Variants in GIGYF2 observed in about 807,000 individuals in gnomAD.
GIGYF2 encodes GRB10 interacting GYF protein 2.
A neutral mutation model predicts 208.1 loss-of-function variants in GIGYF2; 25 were observed. The ratio of observed to expected loss-of-function variants is 0.12; its 90% CI spans 0.09 to 0.17. The LOEUF (loss-of-function observed/expected upper bound fraction) is 0.17. Among genes scored for constraint, GIGYF2 ranks in the 10% least tolerant of loss-of-function variants. The pLI, the probability that GIGYF2 is intolerant of heterozygous loss-of-function variation, is 1.00. For missense variants in GIGYF2, 1,302 were observed against 1,579.4 expected, an observed-to-expected ratio of 0.82 and a Z score of 2.98; for synonymous variants, 534 against 543.8, an observed-to-expected ratio of 0.98 and a Z score of 0.25.
rs777898242 is a variant in GIGYF2 at position 232,834,624 on chromosome 2, A to G, written c.2766+1531A>G. ...GAAGTTTTTAGCCATTATTTCTTCA[A>G]TTGTATGTTCTGTTCCTTTCTCTCT... On this transcript the variant is annotated intron_variant, in intron 22 of 28. Coordinates refer to ENST00000373563, the MANE Select transcript of GIGYF2 (RefSeq NM_001103146.3). Among the ~76,000 whole-genome samples the G allele has an allele frequency of 4.6e-5, 7 of 152,054 alleles. No homozygotes were observed. The East Asian group carries it at 7.7e-4, about 17-fold the overall frequency.
intron 8 of GIGYF2, among the ~76,000 whole-genome samples, chr2:232,762,057 T>C (rs937727423): frequency 1.3e-5 from 2 of 151,636 alleles, no homozygotes; most frequent in Non-Finnish European, 2.9e-5. Flanking sequence ...CCTAGCTGAT[T>C]AAAGGTACTA....
intron 9 of GIGYF2, chr2:232,788,044 A>G (rs1364150468): frequency 6.5e-6 from 1 of 154,046 alleles, no homozygotes; most frequent in Non-Finnish European, 1.4e-5. Context: ...TGTAGTTCCA[A>G]TTGTGGGGTC....
intron 7 of GIGYF2, 49 bp downstream of exon 7, chr2:232,760,640 T>C (rs1574846035): frequency 3.2e-6 from 4 of 1,261,600 alleles, no homozygotes; most frequent in East Asian, 4.7e-5. Context: ...ATATAAAACT[T>C]ATATTTTTTG....
chr2:232,824,988 C>G (rs952161028), intron 21 of GIGYF2, among the ~76,000 whole-genome samples: 1 of 152,190 alleles, frequency 6.6e-6, no homozygotes, highest in Admixed American at 6.5e-5. Flanking sequence ...GCCTGGATGA[C>G]AGCACATCTG....
At chr2:232,817,441 A>C (rs1157060039) in intron 20 of GIGYF2, among the ~76,000 whole-genome samples, 1 of 152,234 alleles carries the variant, frequency 6.6e-6, no homozygotes, top group Non-Finnish European at 1.5e-5. Flanking sequence ...AGTGGTGTTA[A>C]GTATATTCAT....
rs769449200 is a variant in GIGYF2 at position 232,858,766 on chromosome 2, C to G, written c.*1906C>G. On this transcript the variant is annotated 3_prime_UTR_variant, in exon 29 of 29. Transcript: ENST00000373563. ...TCTTTCTCTGCCAGACCACGTAGCACTGGCTGGTTCTGTATTTGAGAATGT... is the reference window on the plus strand; with the variant it reads ...TCTTTCTCTGCCAGACCACGTAGCAGTGGCTGGTTCTGTATTTGAGAATGT... 3 of 342,160 alleles carry G rather than the reference C, an allele frequency of 8.8e-6. No homozygotes were observed. The highest frequency in any genetic ancestry group is 1.7e-5 in the Non-Finnish European group (3 of 174,388). 21.2% of individuals were successfully genotyped at this position (342,160 alleles called of 1,614,324 possible). A position where few individuals can be genotyped will look rare whatever the true frequency, so the allele number is the denominator to read the frequency against.
At chr2:232,716,963 A>G (rs913635024) in intron 2 of GIGYF2, among the ~76,000 whole-genome samples, 1 of 146,030 alleles carries the variant, frequency 6.8e-6, no homozygotes, top group African/African-American at 2.5e-5. Context: ...GCACCACCAC[A>G]CCTAGCTAAT....
At chr2:232,748,922 C>A in intron 4 of GIGYF2, 65 bp from the exon 5 acceptor site, 1 of 807,900 alleles carries the variant, frequency 1.2e-6, no homozygotes, top group Non-Finnish European at 2.2e-6. Flanking sequence ...TTGGATTTAT[C>A]TTCTTGTATT....
At chr2:232,856,307 A>G (rs1157334399) in intron 28 of GIGYF2, among the ~76,000 whole-genome samples, 3 of 152,036 alleles carry the variant, frequency 2.0e-5, no homozygotes, top group Non-Finnish European at 4.4e-5. Context: ...ACCTTAAGAA[A>G]ATAAAAAATC....
rs943149426 is a variant in GIGYF2, at chr2:232,732,856, C to A, written c.-43-2299C>A. Among the ~76,000 whole-genome samples, 11 of 152,050 alleles carry A rather than the reference C, an allele frequency of 7.2e-5. 1 individual carries two copies. Among genetic ancestry groups the A allele is most frequent in the Non-Finnish European group, 1.5e-4 (10 of 67,998 alleles). ...TGTTGCCCAGGCTGGTCTTGAACTTCCGGGCTCAAGCGATCCACCCACCTT... is the reference window on the plus strand; with the variant it reads ...TGTTGCCCAGGCTGGTCTTGAACTTACGGGCTCAAGCGATCCACCCACCTT... On this transcript the variant is annotated intron_variant, in intron 2 of 28. Coordinates refer to ENST00000373563, the MANE Select transcript of GIGYF2 (RefSeq NM_001103146.3).
chr2:232,768,969 A>T (rs970614633), intron 8 of GIGYF2, among the ~76,000 whole-genome samples: 8 of 152,134 alleles, frequency 5.3e-5, no homozygotes, highest in Admixed American at 5.2e-4. Flanking sequence ...GGTCAGTCTT[A>T]TTTGCCTGAA....
At chr2:232,712,338 A>G (rs1696459120) in intron 2 of GIGYF2, among the ~76,000 whole-genome samples, 1 of 152,240 alleles carries the variant, frequency 6.6e-6, no homozygotes, top group Non-Finnish European at 1.5e-5. Flanking sequence ...GTAGAAATGC[A>G]TATTTCCCAT....
intron 8 of GIGYF2, among the ~76,000 whole-genome samples, chr2:232,783,630 A>G (rs1699793659): frequency 6.6e-6 from 1 of 150,724 alleles, no homozygotes; most frequent in Admixed American, 6.6e-5. Flanking sequence ...CTAAGTGATT[A>G]TTTACACAAA....
At position 232,843,562 on chromosome 2, in the gene GIGYF2, C is replaced by CAA. The variant is rs577833427; in HGVS notation, c.2890-466_2890-465dup. On this transcript the variant is annotated intron_variant, in intron 23 of 28. Transcript: ENST00000373563. Reference sequence around the variant, plus strand: ...TGGGCGACAGAGCGAGACCCTGTCTCAAAAAAAAAAAAAAAAAAAGTAATT... The same window carrying CAA: ...TGGGCGACAGAGCGAGACCCTGTCTCAAAAAAAAAAAAAAAAAAAAAGTAATT... Among the ~76,000 whole-genome samples the CAA allele has an allele frequency of 5.0e-3, 461 of 91,468 alleles. 1 individual carries two copies. The highest frequency in any genetic ancestry group is 0.014 in the African/African-American group (310 of 22,732). 60.0% of individuals were successfully genotyped at this position (91,468 alleles called of 152,430 possible).
intron 14 of GIGYF2, among the ~76,000 whole-genome samples, chr2:232,797,926 A>G (rs1700275175): frequency 1.4e-5 from 2 of 145,522 alleles, no homozygotes. Flanking sequence ...GGTTGCTGTG[A>G]GCCGAGATTG....
intron 8 of GIGYF2, chr2:232,770,857 GTTTTGT>G (rs763335927): frequency 4.3e-6 from 6 of 1,390,480 alleles, no homozygotes; most frequent in South Asian, 1.2e-5. Flanking sequence ...GTTTTGTTTT[GTTTTGT>G]TTTTGTTTTT....
chr2:232,709,484 A>G (rs1251793894), intron 2 of GIGYF2, among the ~76,000 whole-genome samples: 1 of 152,066 alleles, frequency 6.6e-6, no homozygotes, highest in Non-Finnish European at 1.5e-5. Context: ...CCATCACACC[A>G]AGCCAATTTT....
chr2:232,717,261 A>G (rs1286962921), intron 2 of GIGYF2, among the ~76,000 whole-genome samples: 2 of 152,176 alleles, frequency 1.3e-5, no homozygotes, highest in South Asian at 2.1e-4. Context: ...ACAGTGGGCT[A>G]TGGGCACAGC....
intron 8 of GIGYF2, among the ~76,000 whole-genome samples, chr2:232,784,281 T>C (rs999053085): frequency 1.3e-5 from 2 of 151,774 alleles, no homozygotes; most frequent in African/African-American, 4.8e-5. Context: ...CTAAACAACA[T>C]AGCAAGACCC....
Sources: gnomAD v4.1 joint callset for allele counts (sites outside exome capture counted in the v4.1 genomes callset) on GRCh38, gnomAD v4.1.1 for gene constraint, MANE v1.5 for transcripts, NCBI Gene and HGNC (gene_info 2026-07-23, HGNC 2026-07-21) for gene names.